Variants in GLIS3 observed in about 807,000 individuals in gnomAD.
GLIS3 encodes the protein GLIS family zinc finger 3.
In GLIS3, 53 loss-of-function variants were observed where a neutral mutation model predicts 78.6. That is an observed-to-expected ratio of 0.67 (90% confidence interval 0.54 to 0.85). The LOEUF (loss-of-function observed/expected upper bound fraction) is 0.85, where lower values mean the gene tolerates loss of function less well. GLIS3 is among the 40% of genes least tolerant of loss of function. The pLI is 0.00. For synonymous variants in GLIS3, 684 were observed against 509.9 expected, an observed-to-expected ratio of 1.34 and a Z score of -4.60; for missense variants, 1,703 against 1,231.1, an observed-to-expected ratio of 1.38 and a Z score of -5.74.
At chr9:4,032,864 T>A (rs1823964284) in intron 4 of GLIS3, among the ~76,000 whole-genome samples, 1 of 151,924 alleles carries the variant, frequency 6.6e-6, no homozygotes, top group Non-Finnish European at 1.5e-5. Context: ...TCTTTTTTTT[T>A]TTTTCCTGAG....
At chr9:4,375,813 A>G in the GLIS3 span, among the ~76,000 whole-genome samples, 1 of 152,098 alleles carries the variant, frequency 6.6e-6, no homozygotes, top group Non-Finnish European at 1.5e-5. Context: ...TTGACAGAAA[A>G]CATGGTTGTG....
intron 2 of GLIS3, among the ~76,000 whole-genome samples, chr9:4,195,615 G>A (rs1381005774): frequency 1.3e-5 from 2 of 152,278 alleles, no homozygotes; most frequent in Non-Finnish European, 2.9e-5. Context: ...CCTCCCAGAT[G>A]GGCACGCCCC....
intron 2 of GLIS3, among the ~76,000 whole-genome samples, chr9:4,186,246 G>C (rs1415533063): frequency 6.7e-6 from 1 of 149,738 alleles, no homozygotes; most frequent in African/African-American, 2.5e-5. Flanking sequence ...AGAACATGCA[G>C]TGTTTGGCCT....
At chr9:4,249,062 T>C (rs905173534) in intron 2 of GLIS3, among the ~76,000 whole-genome samples, 78 of 152,216 alleles carry the variant, frequency 5.1e-4, no homozygotes, top group Admixed American at 4.3e-3. Context: ...TCAGGTAGCA[T>C]GATGTCTCCA....
intron 4 of GLIS3, among the ~76,000 whole-genome samples, chr9:4,000,068 G>T (rs1002791694): frequency 6.6e-6 from 1 of 151,992 alleles, no homozygotes; most frequent in Non-Finnish European, 1.5e-5. Context: ...GAAAAAGCTT[G>T]AAAAAATCCA....
rs149505276 is a variant in GLIS3 at position 4,237,763 on chromosome 9, A to G, written c.388+48275T>C. Among the ~76,000 whole-genome samples, 317 of 152,314 alleles carry G rather than the reference A, an allele frequency of 2.1e-3. 1 individual carries two copies. The highest frequency in any genetic ancestry group is 6.8e-3 in the Middle Eastern group (2 of 294). On this transcript the variant is annotated intron_variant, in intron 2 of 10. Transcript: ENST00000381971. ...CTGTTTCATTTGAGATTAACTTTAA[A>G]TTGAGAAAATAACTACTGACAGGTT...
At chr9:4,026,034 A>G (rs12003592) in intron 4 of GLIS3, among the ~76,000 whole-genome samples, 14,184 of 152,232 alleles carry the variant, frequency 0.093, 1,440 homozygotes, top group African/African-American at 0.26. Flanking sequence ...AACATAATCT[A>G]TGCTTTGAGT....
chr9:4,037,744 C>G (rs1407344662), intron 4 of GLIS3, among the ~76,000 whole-genome samples: 1 of 152,210 alleles, frequency 6.6e-6, no homozygotes. Context: ...CTCAGATTGT[C>G]ATCGTGCCCT....
intron 2 of GLIS3, among the ~76,000 whole-genome samples, chr9:4,192,680 C>G (rs2038547): frequency 0.27 from 41,119 of 151,992 alleles, 6,723 homozygotes; most frequent in South Asian, 0.49. Context: ...GAAGAGCCTA[C>G]TTTAGCAGGG....
At chr9:4,077,135 A>C (rs956426102) in intron 4 of GLIS3, among the ~76,000 whole-genome samples, 1 of 152,228 alleles carries the variant, frequency 6.6e-6, no homozygotes, top group Non-Finnish European at 1.5e-5. Flanking sequence ...CACAGTCTAA[A>C]GCAATCCCCT....
chr9:3,847,341 A>C (rs1191431947), intron 9 of GLIS3, among the ~76,000 whole-genome samples: 1 of 152,232 alleles, frequency 6.6e-6, no homozygotes, highest in Non-Finnish European at 1.5e-5. Context: ...TCAGTCTAAG[A>C]AGCCATAAGC....
At chr9:3,869,548 A>G (rs1226198157) in intron 8 of GLIS3, among the ~76,000 whole-genome samples, 3 of 152,254 alleles carry the variant, frequency 2.0e-5, no homozygotes, top group African/African-American at 7.2e-5. Context: ...GCAACTATGC[A>G]TTGTATCAAA....
chr9:4,191,320 G>A (rs1426587037), intron 2 of GLIS3, among the ~76,000 whole-genome samples: 2 of 152,130 alleles, frequency 1.3e-5, no homozygotes, highest in African/African-American at 2.4e-5. Context: ...AAATAACGGT[G>A]TATTTTCAAC....
chr9:4,163,181 C>G (rs183237736), intron 2 of GLIS3, among the ~76,000 whole-genome samples: 451 of 152,388 alleles, frequency 3.0e-3, no homozygotes, highest in Non-Finnish European at 4.7e-3. Context: ...GAACACAGAT[C>G]TGCCTGGGTC....
intron 4 of GLIS3, among the ~76,000 whole-genome samples, chr9:4,086,674 T>G (rs1829047872): frequency 6.6e-6 from 1 of 152,234 alleles, no homozygotes; most frequent in South Asian, 2.1e-4. Context: ...TTTTAGATTT[T>G]TTTACCATGT....
chr9:4,373,833 A>G, the GLIS3 span, among the ~76,000 whole-genome samples: 123 of 151,888 alleles, frequency 8.1e-4, no homozygotes, highest in African/African-American at 2.8e-3. Context: ...ACGCCCAGTT[A>G]ATTTTTGTAT....
chr9:4,418,915 C>T, the GLIS3 span, among the ~76,000 whole-genome samples: 2 of 152,064 alleles, frequency 1.3e-5, no homozygotes, highest in South Asian at 2.1e-4. Flanking sequence ...AAGTTGCTGC[C>T]CTGCATGGTA....
chr9:3,839,056 GTACCTTAA>G (rs1260431930), intron 9 of GLIS3, among the ~76,000 whole-genome samples: 12 of 152,102 alleles, frequency 7.9e-5, no homozygotes, highest in Non-Finnish European at 1.2e-4. Flanking sequence ...TACCTACATG[GTACCTTAA>G]TATTAGAATA....
chr9:3,927,375 T>A (rs1416525753), intron 6 of GLIS3, among the ~76,000 whole-genome samples: 1 of 152,236 alleles, frequency 6.6e-6, no homozygotes, highest in Non-Finnish European at 1.5e-5. Flanking sequence ...CCTTCTGGAA[T>A]ACTGGTATAT....
Sources: allele counts gnomAD v4.1 joint callset (sites outside exome capture counted in the v4.1 genomes callset), GRCh38; gene constraint gnomAD v4.1.1; transcripts MANE v1.5; gene names NCBI Gene and HGNC (gene_info 2026-07-23, HGNC 2026-07-21).